DOCK1: variants seen among roughly 807,000 people sequenced by gnomAD.
DOCK1 encodes dedicator of cytokinesis protein 1.
In DOCK1, 138 loss-of-function variants were observed where a neutral mutation model predicts 262.7. The observed-to-expected ratio is 0.53, with a 90% CI of 0.46 to 0.61. The LOEUF is 0.61. Among genes scored for constraint, DOCK1 ranks in the 20% least tolerant of loss-of-function variants. The pLI is 0.00. For synonymous variants in DOCK1, 866 were observed against 867.4 expected (o/e 1.00, Z 0.03); for missense variants, 1,908 against 2,370.7 (o/e 0.80, Z 4.05).
chr10:127,318,202 T>G (rs1234654366), intron 29 of DOCK1, among the ~76,000 whole-genome samples: 1 of 152,226 alleles, frequency 6.6e-6, no homozygotes, highest in East Asian at 1.9e-4. Flanking sequence ...CGGTGTGCAT[T>G]GAGTGCCTGC....
intron 10 of DOCK1, among the ~76,000 whole-genome samples, chr10:127,004,260 A>T (rs2040823497): frequency 6.7e-6 from 1 of 149,052 alleles, no homozygotes; most frequent in Non-Finnish European, 1.5e-5. Context: ...AGAAAAGAAA[A>T]CAAAACAAAA....
intron 1 of DOCK1, among the ~76,000 whole-genome samples, chr10:126,924,478 A>G (rs934552082): frequency 6.7e-6 from 1 of 150,026 alleles, no homozygotes; most frequent in Non-Finnish European, 1.5e-5. Flanking sequence ...GGAACTCAGT[A>G]GGGGGAGGCT....
chr10:127,065,881 C>G (rs2045839386), intron 23 of DOCK1, among the ~76,000 whole-genome samples: 1 of 151,928 alleles, frequency 6.6e-6, no homozygotes, highest in Non-Finnish European at 1.5e-5. Flanking sequence ...AAGAAAAGAC[C>G]TGGGGTCTCT....
chr10:127,381,702 A>G (rs1160296010), intron 37 of DOCK1, among the ~76,000 whole-genome samples: 1 of 152,036 alleles, frequency 6.6e-6, no homozygotes, highest in Non-Finnish European at 1.5e-5. Context: ...AACAATATCA[A>G]GAAGGAATTT....
intron 22 of DOCK1, among the ~76,000 whole-genome samples, chr10:127,059,070 G>C (rs9418729): frequency 2.0e-5 from 3 of 151,982 alleles, no homozygotes; most frequent in African/African-American, 7.2e-5. Flanking sequence ...GTGTTTGAAA[G>C]ATATTTTCAC....
At chr10:127,342,123 T>C (rs1188157055) in intron 30 of DOCK1, among the ~76,000 whole-genome samples, 2 of 143,100 alleles carry the variant, frequency 1.4e-5, no homozygotes, top group South Asian at 2.1e-4. Flanking sequence ...CTGTTGTTGT[T>C]AAAGGGAGCA....
In DOCK1 at chr10:126,946,726, A is replaced by G. The variant is rs36165830; in HGVS notation, c.47-23976A>G. 6.1e-3 allele frequency among the ~76,000 whole-genome samples: 933 copies of G among 152,282 alleles called. 64 individuals carry two copies. In the East Asian group the frequency reaches 0.14, roughly 23 times the overall value. ...AGCACAGTATCTTCCGGGTTCATCC[A>G]TGTCACAGCACACGTCAACACTTCC... On this transcript the variant is annotated intron_variant, in intron 1 of 51. Transcript: ENST00000623213.
chr10:127,288,286 G>T (rs570813538), intron 29 of DOCK1, among the ~76,000 whole-genome samples: 9 of 152,082 alleles, frequency 5.9e-5, no homozygotes, highest in Non-Finnish European at 1.2e-4. Flanking sequence ...TCTTTTTGAT[G>T]TGACAAAATA....
intron 38 of DOCK1, among the ~76,000 whole-genome samples, chr10:127,390,824 G>A (rs564400392): frequency 6.6e-6 from 1 of 152,310 alleles, no homozygotes; most frequent in South Asian, 2.1e-4. Context: ...ATTTTAGATA[G>A]AGTCAATATT....
intron 27 of DOCK1, among the ~76,000 whole-genome samples, chr10:127,160,900 A>G (rs7077003): frequency 0.31 from 47,587 of 152,148 alleles, 7,890 homozygotes; most frequent in African/African-American, 0.41. Flanking sequence ...TCTTCTCGAT[A>G]ACTAAGCCAT....
intron 1 of DOCK1, among the ~76,000 whole-genome samples, chr10:126,961,010 A>G (rs1323865022): frequency 1.3e-5 from 2 of 152,212 alleles, no homozygotes; most frequent in African/African-American, 4.8e-5. Flanking sequence ...GCTCTTTTGT[A>G]TATTTCTTTT....
Position 127,115,293 on chromosome 10 carries a change from G to C in DOCK1, c.2623+4939G>C, listed in dbSNP as rs557690620. Among the ~76,000 whole-genome samples, 9 of 152,304 alleles carry C rather than the reference G, an allele frequency of 5.9e-5. No individual in the cohort carries two copies. The East Asian group carries it at 1.7e-3, about 29-fold the overall frequency. ...AGGGCCTGTGATGCATTAGCATACT[G>C]TGTGTGAGTCAGTGAATGGGCAGTG... is the stretch of plus-strand genomic sequence containing the variant. On this transcript the variant is annotated intron_variant, in intron 25 of 51. Transcript: ENST00000623213.
chr10:127,052,359 AC>A (rs138568059), intron 21 of DOCK1, among the ~76,000 whole-genome samples: 16,682 of 152,132 alleles, frequency 0.11, 1,144 homozygotes, highest in Admixed American at 0.15. Flanking sequence ...TCCTGTCTCT[AC>A]TAAAATACAA....
At chr10:127,433,471 T>C (rs1373725876) in intron 48 of DOCK1, 43 bp downstream of exon 48, 1 of 1,595,856 alleles carries the variant, frequency 6.3e-7, no homozygotes, top group African/African-American at 1.3e-5. Flanking sequence ...CAGTGAGGGC[T>C]TGGGGGATCT....
chr10:127,370,666 G>A (rs1464028532), intron 33 of DOCK1, among the ~76,000 whole-genome samples: 1 of 152,224 alleles, frequency 6.6e-6, no homozygotes, highest in Non-Finnish European at 1.5e-5. Flanking sequence ...CTGTGGCAGT[G>A]AGTGGTAAAA....
rs74742696 is a variant in DOCK1, at chr10:127,101,753, C to A, written c.2446-4478C>A. Among the ~76,000 whole-genome samples, 1,150 of 152,288 alleles carry A rather than the reference C, an allele frequency of 7.6e-3. 17 individuals are homozygous for A. Among genetic ancestry groups the A allele is most frequent in the African/African-American group, 0.026 (1,090 of 41,574 alleles). On this transcript the variant is annotated intron_variant, in intron 23 of 51. Transcript: ENST00000623213. ...CCTGTCTTGTTTGTGGCCGATTCACCCTGGTGAAATGGTATTTATGAACTT... is the reference window on the plus strand; with the variant it reads ...CCTGTCTTGTTTGTGGCCGATTCACACTGGTGAAATGGTATTTATGAACTT...
At chr10:127,330,673 C>T (rs571054774) in intron 29 of DOCK1, among the ~76,000 whole-genome samples, 41 of 152,284 alleles carry the variant, frequency 2.7e-4, no homozygotes, top group Non-Finnish European at 4.4e-4. Context: ...CCAGCCATTC[C>T]GCAGACCAGG....
rs2041515859 is a variant in DOCK1, at chr10:127,012,260, A to G, written c.1087A>G (p.Lys363Glu). 6.2e-7 allele frequency: 1 copy of G among 1,611,552 alleles called. No individual in the cohort carries two copies. Among genetic ancestry groups the G allele is most frequent in the Non-Finnish European group, 8.5e-7 (1 of 1,177,758 alleles). The stretch of plus-strand genomic sequence containing the variant: ...CGCGTTGGACGACGCCATTCGACAC[A>G]AGCCGCTGAACATGTCATCCCGTTT... ...PLALDDAIRH[K>E]PLNMSSRFSP... Residue 363 changes from lysine (K) to glutamate (E), a missense_variant, in exon 12 of 52, where the codon AAG becomes GAG. Lys to Glu is a moderately conservative substitution (Grantham distance 56). Around this residue, in one of 9 missense-constraint regions of DOCK1, gnomAD observed 57 missense variants for 39.7 expected, o/e 1.44. Transcript: ENST00000623213. This position sits in a 1 kb window ranked among gnomAD's most constrained non-coding sequence, Gnocchi z 4.0.
At chr10:127,375,628 G>C (rs1407593733) in intron 35 of DOCK1, among the ~76,000 whole-genome samples, 1 of 152,248 alleles carries the variant, frequency 6.6e-6, no homozygotes, top group Non-Finnish European at 1.5e-5. Flanking sequence ...TATGGTATCA[G>C]TGCTGGATCT....
Sources: allele counts gnomAD v4.1 joint callset (sites outside exome capture counted in the v4.1 genomes callset), GRCh38; gene constraint gnomAD v4.1.1; regional missense constraint gnomAD v4.1.1; non-coding constraint Gnocchi (gnomAD v3.1); transcripts MANE v1.5; gene names NCBI Gene and HGNC (gene_info 2026-07-23, HGNC 2026-07-21).